Variants in MEOX2 observed in about 807,000 individuals in gnomAD.
MEOX2 encodes the protein homeobox protein MOX-2.
In MEOX2, 11 loss-of-function variants were observed where a neutral mutation model predicts 27.0. The observed-to-expected ratio is 0.41, with a 90% CI of 0.26 to 0.68. MEOX2 has a LOEUF of 0.68. Among genes scored for constraint, MEOX2 ranks in the 30% least tolerant of loss-of-function variants. The probability of loss-of-function intolerance (pLI) is 0.33; values close to 1 mark genes in which losing one functional copy is unlikely to be tolerated. For synonymous variants in MEOX2, 189 were observed against 155.4 expected (o/e 1.22, Z -1.61); for missense variants, 436 against 385.4 (o/e 1.13, Z -1.10).
chr7:15,662,812 ATG>A (rs1781938482), intron 1 of MEOX2, among the ~76,000 whole-genome samples: 1 of 152,216 alleles, frequency 6.6e-6, no homozygotes, highest in Non-Finnish European at 1.5e-5. Flanking sequence ...CAAAAGATTC[ATG>A]ACTGAATGCA....
chr7:15,663,705 C>T (rs1226285565), intron 1 of MEOX2, among the ~76,000 whole-genome samples: 1 of 152,104 alleles, frequency 6.6e-6, no homozygotes, highest in African/African-American at 2.4e-5. Flanking sequence ...AAATAACATG[C>T]AAGCTTTCTG....
In MEOX2 at chr7:15,686,002, A is replaced by C; in HGVS notation, c.401T>G (p.Leu134Trp). 3 of 1,608,988 alleles carry C rather than the reference A, an allele frequency of 1.9e-6. No homozygotes were observed. Among genetic ancestry groups the C allele is most frequent in the African/African-American group, 2.7e-5 (2 of 75,024 alleles). The change falls in exon 1 of 3, where the codon TTG becomes TGG. Residue 134 changes from leucine to tryptophan, a missense_variant. By Grantham distance (61) the Leu-to-Trp change is moderately conservative (BLOSUM62 -2). Transcript: ENST00000262041. ...GGCCCCAGTCGGGGTGCTGGAGCCC[A>C]AGCTGGAAGAGTTGGAGCACAGGAC... is the stretch of plus-strand genomic sequence containing the variant. Reference protein sequence around the residue: ...PPVLCSNSSSLGSSTPTGAAC... With the variant: ...PPVLCSNSSSWGSSTPTGAAC...
rs560433761 is a variant in MEOX2, at chr7:15,624,970, T to C, written c.690+1776A>G. Among the ~76,000 whole-genome samples the C allele has an allele frequency of 2.6e-5, 4 of 152,310 alleles. No homozygotes were observed. The South Asian group carries it at 8.3e-4, about 32-fold the overall frequency. On this transcript the variant is annotated intron_variant, in intron 2 of 2. Coordinates refer to ENST00000262041, the MANE Select transcript of MEOX2 (RefSeq NM_005924.5). ...CGTTTTCAAACCAGATTTACAAAAC[T>C]GCTTCTAAAGATAAATGATTCTGCT...
At position 15,686,194 on chromosome 7, in the gene MEOX2, TG is replaced by T. The variant is rs869268331; in HGVS notation, c.208del (p.His70ThrfsTer146). 2 of 1,598,088 alleles carry T rather than the reference TG, an allele frequency of 1.3e-6. No individual in the cohort carries two copies. The highest frequency in any genetic ancestry group is 2.3e-5 in the East Asian group (1 of 44,242). Reference protein sequence around the residue: ...FASQHHRGHHHHHHHHHHHHH... With the variant: ...FASQHHRGHHXHHHHHHHHHH... The stretch of plus-strand genomic sequence containing the variant: ...GTGATGGTGGTGGTGGTGGTGGTGG[TG>T]GTGGTGCCCCCTGTGATGCTGGCTG... On this transcript the variant is annotated frameshift_variant, in exon 1 of 3. Transcript: ENST00000262041. LOFTEE classifies it high-confidence loss of function.
In MEOX2 at chr7:15,685,962, C is replaced by T. The variant is rs747950584; in HGVS notation, c.441G>A (p.Gly147=). 2 of 1,611,180 alleles carry T rather than the reference C, an allele frequency of 1.2e-6. No homozygotes were observed. The highest frequency in any genetic ancestry group is 1.7e-6 in the Non-Finnish European group (2 of 1,179,674). The change falls in exon 1 of 3, where the codon GGG becomes GGA. Residue 147 remains glycine (G), a synonymous_variant. Transcript: ENST00000262041. ...STPTGAACAP[G]DYGRQALSPA... ...GTGACAGTGCCTGGCGGCCGTAGTC[C>T]CCCGGCGCGCACGCGGCCCCAGTCG...
At chr7:15,661,827 G>A (rs1442918007) in intron 1 of MEOX2, among the ~76,000 whole-genome samples, 1 of 152,098 alleles carries the variant, frequency 6.6e-6, no homozygotes, top group Non-Finnish European at 1.5e-5. Context: ...CTTAAGCATT[G>A]ACAAATTATT....
At chr7:15,637,761 C>G (rs1470955431) in intron 1 of MEOX2, among the ~76,000 whole-genome samples, 2 of 151,396 alleles carry the variant, frequency 1.3e-5, no homozygotes, top group Non-Finnish European at 2.9e-5. Flanking sequence ...AGCCAGCAGA[C>G]TTGGGTTGGA....
chr7:15,632,569 T>C (rs915442828), intron 1 of MEOX2, among the ~76,000 whole-genome samples: 5 of 151,814 alleles, frequency 3.3e-5, no homozygotes, highest in African/African-American at 1.2e-4. Context: ...AAAACAAATT[T>C]TAACAAAATT....
chr7:15,671,103 T>C (rs1358308365), intron 1 of MEOX2, among the ~76,000 whole-genome samples: 1 of 152,184 alleles, frequency 6.6e-6, no homozygotes, highest in Non-Finnish European at 1.5e-5. Context: ...TCTCTATTTT[T>C]TAAATGCTGT....
intron 2 of MEOX2, among the ~76,000 whole-genome samples, chr7:15,623,404 T>C (rs190926365): frequency 9.2e-4 from 140 of 152,232 alleles, no homozygotes; most frequent in African/African-American, 2.8e-3. Flanking sequence ...GAGTCTCACT[T>C]TGTCACCCAG....
At chr7:15,647,052 TGC>T (rs1280040652) in intron 1 of MEOX2, among the ~76,000 whole-genome samples, 1 of 152,036 alleles carries the variant, frequency 6.6e-6, no homozygotes, top group African/African-American at 2.4e-5. Context: ...AGCTAAAGCT[TGC>T]ATTTTGTTTG....
At chr7:15,654,864 G>A (rs1781794041) in intron 1 of MEOX2, among the ~76,000 whole-genome samples, 1 of 151,422 alleles carries the variant, frequency 6.6e-6, no homozygotes, top group South Asian at 2.1e-4. Context: ...TATACTGACT[G>A]TCTGCTTTTG....
intron 1 of MEOX2, among the ~76,000 whole-genome samples, chr7:15,645,964 T>A (rs566592846): frequency 3.5e-4 from 53 of 152,240 alleles, no homozygotes; most frequent in Non-Finnish European, 6.2e-4. Context: ...TCAAAGGAAA[T>A]CTTTCATAAG....
intron 1 of MEOX2, among the ~76,000 whole-genome samples, chr7:15,657,724 G>C (rs1021415555): frequency 1.3e-5 from 2 of 152,130 alleles, no homozygotes; most frequent in African/African-American, 2.4e-5. Context: ...ATGCAATGAT[G>C]GTCACTCTTC....
chr7:15,684,985 A>G lies in MEOX2; in HGVS notation c.517+901T>C, dbSNP rs534761086. ...GAGGTCAGGAAGGTTCCCCTTTTGC[A>G]TGGCTGCTCAAATTATCCCCACTGA... On this transcript the variant is annotated intron_variant, in intron 1 of 2. Coordinates refer to ENST00000262041, the MANE Select transcript of MEOX2 (RefSeq NM_005924.5). Among the ~76,000 whole-genome samples, 14 of 152,358 alleles carry G rather than the reference A, an allele frequency of 9.2e-5. No individual in the cohort carries two copies. The South Asian group carries it at 2.3e-3, about 25-fold the overall frequency.
intron 1 of MEOX2, among the ~76,000 whole-genome samples, chr7:15,630,454 C>T (rs1277918195): frequency 3.3e-5 from 5 of 151,948 alleles, no homozygotes; most frequent in Admixed American, 6.6e-5. Flanking sequence ...AATAAAAGTA[C>T]GATTGAGAAT....
intron 1 of MEOX2, among the ~76,000 whole-genome samples, chr7:15,673,597 C>CAAAAAAAAAA (rs35223717): frequency 7.9e-5 from 6 of 76,178 alleles, no homozygotes; most frequent in Non-Finnish European, 1.2e-4. Context: ...ACAAGTCTAT[C>CAAAAAAAAAA]AAAAAAAAAA....
At chr7:15,638,242 G>A (rs1273704349) in intron 1 of MEOX2, among the ~76,000 whole-genome samples, 1 of 152,060 alleles carries the variant, frequency 6.6e-6, no homozygotes, top group Non-Finnish European at 1.5e-5. Flanking sequence ...GGTTGTGAAA[G>A]TCTGTATGCT....
intron 1 of MEOX2, among the ~76,000 whole-genome samples, chr7:15,684,334 T>C (rs1782341065): frequency 6.6e-6 from 1 of 152,230 alleles, no homozygotes; most frequent in Non-Finnish European, 1.5e-5. Flanking sequence ...CGACTGTTTT[T>C]CTAATAAAAA....
Sources: gnomAD v4.1 joint callset for allele counts (sites outside exome capture counted in the v4.1 genomes callset) on GRCh38, gnomAD v4.1.1 for gene constraint, MANE v1.5 for transcripts, NCBI Gene and HGNC (gene_info 2026-07-23, HGNC 2026-07-21) for gene names.